PCDH9: variants seen among roughly 807,000 people sequenced by gnomAD.
PCDH9 encodes protocadherin 9.
Under a neutral mutation model 70.6 loss-of-function variants are expected in PCDH9, and 24 were observed. That is an observed-to-expected ratio of 0.34 (90% CI 0.25 to 0.48). The LOEUF (loss-of-function observed/expected upper bound fraction) is 0.48. Ranked by LOEUF, PCDH9 falls within the 20% of genes least tolerant of loss-of-function variation. PCDH9 has a pLI of 0.99. For missense variants in PCDH9, 1,281 were observed against 1,503.6 expected, an observed-to-expected ratio of 0.85 and a Z score of 2.45; for synonymous variants, 562 against 558.5, an observed-to-expected ratio of 1.01 and a Z score of -0.09.
chr13:66,740,853 T>C (rs1309803258), intron 3 of PCDH9, among the ~76,000 whole-genome samples: 1 of 139,606 alleles, frequency 7.2e-6, no homozygotes. Flanking sequence ...TAATCAATAG[T>C]TTACCAACCA....
At chr13:66,457,889 A>G (rs1303427484) in intron 4 of PCDH9, among the ~76,000 whole-genome samples, 1 of 151,958 alleles carries the variant, frequency 6.6e-6, no homozygotes, top group Non-Finnish European at 1.5e-5. Flanking sequence ...GTTAATCATA[A>G]AACAACCTAC....
At chr13:66,513,872 G>A (rs1412693800) in intron 4 of PCDH9, among the ~76,000 whole-genome samples, 1 of 151,754 alleles carries the variant, frequency 6.6e-6, no homozygotes, top group Admixed American at 6.6e-5. Flanking sequence ...TCAGACATGT[G>A]TGGTTAATTC....
intron 4 of PCDH9, among the ~76,000 whole-genome samples, chr13:66,501,845 G>T (rs1195236941): frequency 6.6e-6 from 1 of 151,966 alleles, no homozygotes; most frequent in Non-Finnish European, 1.5e-5. Context: ...TTTTGGGAAG[G>T]ACTTAAAAAC....
chr13:66,705,780 C>G (rs1350660270), intron 3 of PCDH9, among the ~76,000 whole-genome samples: 1 of 152,034 alleles, frequency 6.6e-6, no homozygotes, highest in Non-Finnish European at 1.5e-5. Context: ...CAAGTTAAAA[C>G]TTTACTAGGG....
intron 4 of PCDH9, among the ~76,000 whole-genome samples, chr13:66,421,750 C>A (rs923481248): frequency 6.6e-6 from 1 of 152,086 alleles, no homozygotes; most frequent in Non-Finnish European, 1.5e-5. Flanking sequence ...AGAAACTGCA[C>A]CAACTGGGGG....
chr13:67,192,534 G>C (rs182463745), intron 2 of PCDH9, among the ~76,000 whole-genome samples: 75 of 152,226 alleles, frequency 4.9e-4, no homozygotes, highest in African/African-American at 1.7e-3. Flanking sequence ...AAGATAGTTG[G>C]ATTTCAAATA....
At chr13:66,756,844 A>T (rs1005224172) in intron 3 of PCDH9, among the ~76,000 whole-genome samples, 1 of 151,918 alleles carries the variant, frequency 6.6e-6, no homozygotes, top group Non-Finnish European at 1.5e-5. Flanking sequence ...TTATTATTAT[A>T]ATTTTTTTGA....
intron 3 of PCDH9, among the ~76,000 whole-genome samples, chr13:66,897,878 G>T (rs542789226): frequency 1.2e-4 from 19 of 152,056 alleles, no homozygotes; most frequent in African/African-American, 2.9e-4. Context: ...GCCAGAAATT[G>T]TCCTGTGATT....
At chr13:67,049,059 T>G (rs1391311275) in intron 2 of PCDH9, among the ~76,000 whole-genome samples, 1 of 152,204 alleles carries the variant, frequency 6.6e-6, no homozygotes, top group African/African-American at 2.4e-5. Flanking sequence ...CAGATATTTC[T>G]AATAAGAATA....
intron 3 of PCDH9, among the ~76,000 whole-genome samples, chr13:66,900,996 A>C (rs1056010132): frequency 5.3e-5 from 8 of 151,850 alleles, no homozygotes; most frequent in Admixed American, 5.3e-4. Flanking sequence ...GTTAATTCTC[A>C]AGAATAATTA....
At chr13:66,787,714 T>G (rs1250925526) in intron 3 of PCDH9, among the ~76,000 whole-genome samples, 1 of 152,146 alleles carries the variant, frequency 6.6e-6, no homozygotes, top group Non-Finnish European at 1.5e-5. Context: ...ACCCGGCACT[T>G]TCCAAACTTA....
At chr13:66,342,544 G>C (rs1956146135) in intron 4 of PCDH9, among the ~76,000 whole-genome samples, 1 of 152,100 alleles carries the variant, frequency 6.6e-6, no homozygotes, top group African/African-American at 2.4e-5. Context: ...TATGAAACTT[G>C]ACTGAGGTTA....
chr13:66,899,318 G>GA (rs2082238474), intron 3 of PCDH9, among the ~76,000 whole-genome samples: 1 of 151,980 alleles, frequency 6.6e-6, no homozygotes, highest in African/African-American at 2.4e-5. Context: ...TCATACTCAT[G>GA]ATAACTGCCA....
intron 3 of PCDH9, among the ~76,000 whole-genome samples, chr13:66,682,810 G>A (rs1288314261): frequency 3.3e-5 from 5 of 152,092 alleles, no homozygotes; most frequent in Admixed American, 3.3e-4. Context: ...CAGAGTTGAA[G>A]CTTTGAAAGC....
At chr13:66,474,308 GCTAT>G (rs1958677679) in intron 4 of PCDH9, among the ~76,000 whole-genome samples, 1 of 152,076 alleles carries the variant, frequency 6.6e-6, no homozygotes, top group Non-Finnish European at 1.5e-5. Context: ...GGTTTATACT[GCTAT>G]CTGTTTTGAA....
At chr13:66,933,960 G>C (rs370767588) in intron 2 of PCDH9, among the ~76,000 whole-genome samples, 1 of 149,338 alleles carries the variant, frequency 6.7e-6, no homozygotes, top group Admixed American at 6.7e-5. Context: ...AGAAGACAAA[G>C]ATCTACTTAA....
At chr13:66,671,687 T>C (rs2078177467) in intron 3 of PCDH9, among the ~76,000 whole-genome samples, 1 of 152,068 alleles carries the variant, frequency 6.6e-6, no homozygotes. Flanking sequence ...ACTTGAGGAG[T>C]TGATTTAGGG....
chr13:66,638,420 C>A (rs1300500993), intron 3 of PCDH9, among the ~76,000 whole-genome samples: 2 of 152,136 alleles, frequency 1.3e-5, no homozygotes, highest in Non-Finnish European at 1.5e-5. Flanking sequence ...TATGCCAAAA[C>A]AATCTGCAGA....
chr13:66,377,991 C>A (rs569494777), intron 4 of PCDH9, among the ~76,000 whole-genome samples: 37 of 152,212 alleles, frequency 2.4e-4, no homozygotes, highest in African/African-American at 8.4e-4. Context: ...CAAGCTGATC[C>A]TAAATGTATC....
Sources: allele counts gnomAD v4.1 joint callset (sites outside exome capture counted in the v4.1 genomes callset), GRCh38; gene constraint gnomAD v4.1.1; transcripts MANE v1.5; gene names NCBI Gene and HGNC (gene_info 2026-07-23, HGNC 2026-07-21).